Variants in CDIN1 observed in about 807,000 individuals in gnomAD.
The protein encoded by CDIN1 is CDAN1 interacting nuclease 1.
In CDIN1, 33 loss-of-function variants were observed where a neutral mutation model predicts 45.3. The ratio of observed to expected loss-of-function variants is 0.73; its 90% CI spans 0.55 to 0.97. The LOEUF (loss-of-function observed/expected upper bound fraction) is 0.97. Ranked by LOEUF, CDIN1 falls within the 50% of genes least tolerant of loss-of-function variation. CDIN1 has a pLI of 0.00. For missense variants in CDIN1, 303 were observed against 339.4 expected, an observed-to-expected ratio of 0.89 and a Z score of 0.84; for synonymous variants, 118 against 124.4, an observed-to-expected ratio of 0.95 and a Z score of 0.34.
chr15:36,636,291 G>A (rs750725421), intron 1 of CDIN1, among the ~76,000 whole-genome samples: 6 of 152,154 alleles, frequency 3.9e-5, no homozygotes, highest in South Asian at 4.2e-4. Flanking sequence ...GGTGGCTCAC[G>A]CCTGTAATCC....
chr15:36,800,905 G>GTCTATATATATATA (rs1437486563), intron 10 of CDIN1, among the ~76,000 whole-genome samples: 1 of 22,102 alleles, frequency 4.5e-5, no homozygotes, highest in East Asian at 2.3e-3. Flanking sequence ...GTGTGTGTGT[G>GTCTATATATATATA]TGTGTATATA....
At chr15:36,749,269 A>G (rs1425690579) in intron 10 of CDIN1, among the ~76,000 whole-genome samples, 1 of 152,196 alleles carries the variant, frequency 6.6e-6, no homozygotes, top group Non-Finnish European at 1.5e-5. Context: ...TAAACATGGC[A>G]TTTGTATACT....
At chr15:36,654,052 G>T in intron 3 of CDIN1, 46 bp from the exon 4 acceptor site, 1 of 1,421,560 alleles carries the variant, frequency 7.0e-7, no homozygotes. Flanking sequence ...AGTCTATGCT[G>T]GCCTTTTCTT....
At chr15:36,661,440 G>A (rs938189696) in intron 5 of CDIN1, among the ~76,000 whole-genome samples, 2 of 151,762 alleles carry the variant, frequency 1.3e-5, no homozygotes, top group Admixed American at 6.6e-5. Flanking sequence ...AAAGTCAGTC[G>A]TTATATTTTT....
intron 1 of CDIN1, among the ~76,000 whole-genome samples, chr15:36,636,279 G>A (rs1049791246): frequency 5.9e-5 from 9 of 152,192 alleles, no homozygotes; most frequent in Non-Finnish European, 1.0e-4. Context: ...TGGGCCAGGC[G>A]CGGTGGCTCA....
At chr15:36,797,833 A>T (rs1157905989) in intron 10 of CDIN1, among the ~76,000 whole-genome samples, 2 of 151,948 alleles carry the variant, frequency 1.3e-5, no homozygotes, top group Non-Finnish European at 2.9e-5. Flanking sequence ...TACAAAAATT[A>T]GCTGGGCATG....
chr15:36,612,338 G>A (rs987195991), intron 1 of CDIN1, among the ~76,000 whole-genome samples: 1 of 152,188 alleles, frequency 6.6e-6, no homozygotes, highest in Non-Finnish European at 1.5e-5. Context: ...AGGAGCCTGG[G>A]TCCCAAGGAC....
chr15:36,750,194 A>G (rs2053422410), intron 10 of CDIN1, among the ~76,000 whole-genome samples: 1 of 151,922 alleles, frequency 6.6e-6, no homozygotes, highest in Non-Finnish European at 1.5e-5. Flanking sequence ...AGGGAACTAC[A>G]TTTTTGTATG....
intron 10 of CDIN1, among the ~76,000 whole-genome samples, chr15:36,795,326 T>C (rs1250889984): frequency 1.3e-5 from 2 of 152,232 alleles, no homozygotes; most frequent in Non-Finnish European, 2.9e-5. Context: ...ATGATAATTA[T>C]TTGAGGTAAT....
At chr15:36,784,560 T>G (rs2141064294) in intron 10 of CDIN1, among the ~76,000 whole-genome samples, 1 of 152,360 alleles carries the variant, frequency 6.6e-6, no homozygotes, top group East Asian at 1.9e-4. Flanking sequence ...ATTTTCCTGT[T>G]GCCCTTATTA....
At chr15:36,669,147 G>A (rs2041356923) in intron 5 of CDIN1, 1 of 152,088 alleles carries the variant, frequency 6.6e-6, no homozygotes, top group African/African-American at 2.4e-5. Context: ...ATAGAATGGA[G>A]GCTGGCCTCA....
intron 10 of CDIN1, among the ~76,000 whole-genome samples, chr15:36,773,494 G>C (rs1225431386): frequency 6.6e-6 from 1 of 151,970 alleles, no homozygotes; most frequent in East Asian, 1.9e-4. Flanking sequence ...CTACTGTATT[G>C]GACAGCACAG....
chr15:36,653,008 A>T (rs553470291), intron 3 of CDIN1, among the ~76,000 whole-genome samples: 6 of 152,332 alleles, frequency 3.9e-5, no homozygotes, highest in African/African-American at 1.4e-4. Context: ...GAAAAGTATA[A>T]GGTGATTTTT....
rs1293366345 is a variant in CDIN1 at position 36,645,335 on chromosome 15, GTAA to G, written c.212+56_212+58del. 2.4e-5 allele frequency: 32 copies of G among 1,338,812 alleles called. No individual in the cohort carries two copies. The African/African-American group carries it at 4.2e-4, about 17-fold the overall frequency. 82.9% of individuals were successfully genotyped at this position (1,338,812 alleles called of 1,614,324 possible). A position where few individuals can be genotyped will look rare whatever the true frequency, so the allele number is the denominator to read the frequency against. Reference sequence around the variant, plus strand: ...GAGGGTATCATAGTACCTATTAATTGTAATAATAATTATGAATAAGTTAGGTTA... The same window carrying G: ...GAGGGTATCATAGTACCTATTAATTGTAATAATTATGAATAAGTTAGGTTA... On this transcript the variant is annotated intron_variant, in intron 3 of 10. Coordinates refer to ENST00000566621, the MANE Select transcript of CDIN1 (RefSeq NM_001321759.2).
chr15:36,742,471 A>G (rs990205776), intron 10 of CDIN1, among the ~76,000 whole-genome samples: 2 of 152,214 alleles, frequency 1.3e-5, no homozygotes, highest in Non-Finnish European at 2.9e-5. Flanking sequence ...TTGATGGCCA[A>G]CGAAGAAGGC....
intron 10 of CDIN1, among the ~76,000 whole-genome samples, chr15:36,794,329 A>C (rs1373178428): frequency 6.6e-6 from 1 of 152,140 alleles, no homozygotes; most frequent in East Asian, 1.9e-4. Flanking sequence ...AAGTGCTGGG[A>C]TTACAGGTGT....
intron 10 of CDIN1, among the ~76,000 whole-genome samples, chr15:36,790,931 G>T (rs1309317697): frequency 6.6e-6 from 1 of 152,142 alleles, no homozygotes; most frequent in Non-Finnish European, 1.5e-5. Context: ...TTGTTGTACA[G>T]ATTACTTCAT....
chr15:36,799,232 T>G (rs1220627528), intron 10 of CDIN1: 1 of 151,810 alleles, frequency 6.6e-6, no homozygotes, highest in African/African-American at 2.4e-5. Flanking sequence ...GTTTTAGTAC[T>G]TAAGTAAGTA....
intron 10 of CDIN1, among the ~76,000 whole-genome samples, chr15:36,727,292 G>C (rs1291700812): frequency 6.8e-6 from 1 of 147,204 alleles, no homozygotes. Context: ...AAGTTAATTA[G>C]AAATGTAGAC....
Sources: allele counts gnomAD v4.1 joint callset (sites outside exome capture counted in the v4.1 genomes callset), GRCh38; gene constraint gnomAD v4.1.1; transcripts MANE v1.5; gene names NCBI Gene and HGNC (gene_info 2026-07-23, HGNC 2026-07-21).